HSPA4L: variants seen among roughly 807,000 people sequenced by gnomAD.
The protein encoded by HSPA4L is heat shock 70 kDa protein 4L.
Under a neutral mutation model 100.3 loss-of-function variants are expected in HSPA4L, and 48 were observed. That is an observed-to-expected ratio of 0.48 (90% CI 0.38 to 0.61). The LOEUF (loss-of-function observed/expected upper bound fraction) is 0.61, where lower values mean the gene tolerates loss of function less well. Ranked by LOEUF, HSPA4L falls within the 20% of genes least tolerant of loss-of-function variation. The pLI is 0.00. For missense variants in HSPA4L, 886 were observed against 988.6 expected, an observed-to-expected ratio of 0.90 and a Z score of 1.39; for synonymous variants, 319 against 328.2, an observed-to-expected ratio of 0.97 and a Z score of 0.30.
chr4:127,820,677 T>A, intron 14 of HSPA4L, 112 bp downstream of exon 14: 1 of 922,900 alleles, frequency 1.1e-6, no homozygotes, highest in Non-Finnish European at 1.7e-6. Context: ...CCTAAGGAAT[T>A]ATATTAAGTA....
intron 18 of HSPA4L, among the ~76,000 whole-genome samples, chr4:127,831,784 T>C (rs535128131): frequency 3.3e-4 from 50 of 152,026 alleles, no homozygotes; most frequent in Non-Finnish European, 5.7e-4. Flanking sequence ...ATATTATTAA[T>C]TTGTAGGAGA....
chr4:127,788,566 C>T (rs541859578), intron 1 of HSPA4L, among the ~76,000 whole-genome samples: 1 of 152,144 alleles, frequency 6.6e-6, no homozygotes, highest in African/African-American at 2.4e-5. Flanking sequence ...CTTATTTGAA[C>T]GTCTGAGGAA....
At chr4:127,782,697 C>T (rs763160020) in intron 1 of HSPA4L, 40 bp downstream of exon 1, 38 of 1,422,736 alleles carry the variant, frequency 2.7e-5, no homozygotes, top group Non-Finnish European at 3.3e-5. Context: ...CCCTAAGAAA[C>T]GTTTTTCTCT....
At chr4:127,794,839 C>G (rs186466093) in intron 2 of HSPA4L, among the ~76,000 whole-genome samples, 1 of 152,146 alleles carries the variant, frequency 6.6e-6, no homozygotes, top group African/African-American at 2.4e-5. Context: ...TTCAGCATCC[C>G]TATAGTTTTC....
Position 127,813,325 on chromosome 4 carries a change from T to G in HSPA4L, c.1578+1689T>G, listed in dbSNP as rs1486922955. ...TTTTATTAATAATTACTATGCATCT[T>G]TCTTCCAAATTGATCAGAATTCAAC... On this transcript the variant is annotated intron_variant, in intron 12 of 18. Transcript: ENST00000296464. 11 of 633,296 alleles carry G rather than the reference T, an allele frequency of 1.7e-5. No individual in the cohort carries two copies. The East Asian group carries it at 2.5e-4, about 14-fold the overall frequency. The allele number at this position is 633,296 out of a possible 1,614,324, so 39.2% of individuals were successfully genotyped here.
At position 127,832,970 on chromosome 4, in the gene HSPA4L, T is replaced by A; in HGVS notation, c.*96T>A. ...CACACAACAGACGCTCAGTTGTTCTTAACCACTTTTGTCATTTGTTTTTTG... is the reference window on the plus strand; with the variant it reads ...CACACAACAGACGCTCAGTTGTTCTAAACCACTTTTGTCATTTGTTTTTTG... On this transcript the variant is annotated 3_prime_UTR_variant, in exon 19 of 19. Coordinates refer to ENST00000296464, the MANE Select transcript of HSPA4L (RefSeq NM_014278.4). The A allele has an allele frequency of 1.2e-6, 1 of 859,440 alleles. No homozygotes were observed. Among genetic ancestry groups the A allele is most frequent in the Non-Finnish European group, 1.7e-6 (1 of 585,982 alleles). 53.2% of individuals were successfully genotyped at this position (859,440 alleles called of 1,614,324 possible).
At position 127,832,797 on chromosome 4, in the gene HSPA4L, G is replaced by A. The variant is rs1490805602; in HGVS notation, c.2443G>A (p.Gly815Arg). ...CAATGGCCCAATGGATGGACAGAGT[G>A]GAACTGAAACTAAATCAGATTCAAC... ...EHNGPMDGQSGTETKSDSTKD... is the reference protein window; with the variant it reads ...EHNGPMDGQSRTETKSDSTKD... Residue 815 changes from glycine (G) to arginine (R), a missense_variant, in exon 19 of 19, where the codon GGA (glycine) becomes AGA (arginine). Physicochemically the swap from Gly to Arg is moderately radical, Grantham distance 125. Transcript: ENST00000296464. 3.7e-6 allele frequency: 6 copies of A among 1,613,422 alleles called. No individual in the cohort carries two copies. The highest frequency in any genetic ancestry group is 5.1e-6 in the Non-Finnish European group (6 of 1,179,706).
rs1266891215 is a variant in HSPA4L, at chr4:127,838,670, A to ATAAAC, written c.*5799_*5803dup. 1 of 152,228 alleles carries ATAAAC rather than the reference A, an allele frequency of 6.6e-6. No homozygotes were observed. Among genetic ancestry groups the ATAAAC allele is most frequent in the African/African-American group, 2.4e-5 (1 of 41,458 alleles). 9.4% of individuals were successfully genotyped at this position (152,228 alleles called of 1,614,324 possible). A position where few individuals can be genotyped will look rare whatever the true frequency, so the allele number is the denominator to read the frequency against. Reference sequence around the variant, plus strand: ...AAATAATTTAATTGCATTATAGCATATAAACTATAAATGAAAATGATCTTT... The same window carrying ATAAAC: ...AAATAATTTAATTGCATTATAGCATATAAACTAAACTATAAATGAAAATGATCTTT... On this transcript the variant is annotated 3_prime_UTR_variant, in exon 19 of 19. Transcript: ENST00000296464.
intron 14 of HSPA4L, among the ~76,000 whole-genome samples, chr4:127,821,232 G>A (rs1020923902): frequency 6.6e-6 from 1 of 152,214 alleles, no homozygotes; most frequent in Admixed American, 6.5e-5. Context: ...TGCATTTTAT[G>A]TGAAGCAAGC....
chr4:127,820,602 G>A (rs1733786249), intron 14 of HSPA4L, 37 bp downstream of exon 14: 2 of 1,574,644 alleles, frequency 1.3e-6, no homozygotes, highest in Non-Finnish European at 1.7e-6. Context: ...ATAGGTGGTA[G>A]TTTATTCTGA....
chr4:127,806,071 C>A (rs892918967), intron 10 of HSPA4L, among the ~76,000 whole-genome samples: 10 of 151,788 alleles, frequency 6.6e-5, no homozygotes, highest in African/African-American at 2.2e-4. Context: ...CTCTCTTAGC[C>A]CATTTTACAG....
chr4:127,822,983 A>G, intron 15 of HSPA4L, 89 bp downstream of exon 15: 1 of 1,320,550 alleles, frequency 7.6e-7, no homozygotes, highest in East Asian at 2.5e-5. Context: ...AAATGTACCA[A>G]ATGTTGTTAT....
chr4:127,835,190 G>T lies in HSPA4L; in HGVS notation c.*2316G>T, dbSNP rs1022453897. 6.6e-6 allele frequency: 1 copy of T among 151,366 alleles called. No homozygotes were observed. The highest frequency in any genetic ancestry group is 2.4e-5 in the African/African-American group (1 of 41,424). 9.4% of individuals were successfully genotyped at this position (151,366 alleles called of 1,614,324 possible). A position where few individuals can be genotyped will look rare whatever the true frequency, so the allele number is the denominator to read the frequency against. On this transcript the variant is annotated 3_prime_UTR_variant, in exon 19 of 19. Coordinates refer to ENST00000296464, the MANE Select transcript of HSPA4L (RefSeq NM_014278.4). Reference sequence around the variant, plus strand: ...TATTTCAGAAATTATTTTAAAAGATGCATAGTAAAACAGTGTTTTCCTATG... The same window carrying T: ...TATTTCAGAAATTATTTTAAAAGATTCATAGTAAAACAGTGTTTTCCTATG...
chr4:127,824,776 G>A (rs552643839), intron 16 of HSPA4L, among the ~76,000 whole-genome samples: 2 of 152,248 alleles, frequency 1.3e-5, no homozygotes, highest in East Asian at 3.9e-4. Flanking sequence ...TAGGTCAGTG[G>A]TGTTATTTTA....
chr4:127,793,731 G>A (rs893044988), intron 1 of HSPA4L, among the ~76,000 whole-genome samples: 2 of 152,146 alleles, frequency 1.3e-5, no homozygotes, highest in Admixed American at 1.3e-4. Context: ...GCAAAGCCAG[G>A]ATTTAGCCTT....
chr4:127,801,948 C>A, intron 6 of HSPA4L, 30 bp downstream of exon 6: 1 of 1,554,052 alleles, frequency 6.4e-7, no homozygotes, highest in Admixed American at 1.9e-5. Context: ...GTTATATTTA[C>A]ATATGTTAAG....
At position 127,830,656 on chromosome 4, in the gene HSPA4L, C is replaced by G; in HGVS notation, c.2185C>G (p.Leu729Val). Residue 729 changes from leucine to valine, a missense_variant, in exon 18 of 19, where the codon CTG becomes GTG. Physicochemically the swap from Leu to Val is conservative, Grantham distance 32. Coordinates refer to ENST00000296464, the MANE Select transcript of HSPA4L (RefSeq NM_014278.4). Reference sequence around the variant, plus strand: ...TAAATAGGATGAAAGATATGATCATCTGGATCCTACTGAAATGGAAAAGGT... The same window carrying G: ...TAAATAGGATGAAAGATATGATCATGTGGATCCTACTGAAATGGAAAAGGT... ...YRNKDERYDHLDPTEMEKVEK... is the reference protein window; with the variant it reads ...YRNKDERYDHVDPTEMEKVEK... The G allele has an allele frequency of 6.3e-7, 1 of 1,591,254 alleles. No homozygotes were observed. The highest frequency in any genetic ancestry group is 1.4e-5 in the African/African-American group (1 of 73,248).
chr4:127,792,997 C>T (rs1291132614), intron 1 of HSPA4L, among the ~76,000 whole-genome samples: 6 of 152,134 alleles, frequency 3.9e-5, no homozygotes, highest in African/African-American at 1.4e-4. Context: ...ATTGAATTTG[C>T]AGGGTAGAGC....
chr4:127,810,552 G>A (rs1733496811), intron 11 of HSPA4L, among the ~76,000 whole-genome samples: 1 of 152,138 alleles, frequency 6.6e-6, no homozygotes, highest in African/African-American at 2.4e-5. Flanking sequence ...GAGCCCAGGA[G>A]TTCAAGACCA....
Sources: allele counts gnomAD v4.1 joint callset (sites outside exome capture counted in the v4.1 genomes callset), GRCh38; gene constraint gnomAD v4.1.1; transcripts MANE v1.5; gene names NCBI Gene and HGNC (gene_info 2026-07-23, HGNC 2026-07-21).